ARHGAP24: variants seen among roughly 807,000 people sequenced by gnomAD.
ARHGAP24 encodes the protein Rho GTPase activating protein 24.
In ARHGAP24, 50 loss-of-function variants were observed where a neutral mutation model predicts 76.4. The ratio of observed to expected loss-of-function variants is 0.65; its 90% CI spans 0.52 to 0.83. The LOEUF is 0.83. Ranked by LOEUF, ARHGAP24 falls within the 40% of genes least tolerant of loss-of-function variation. The probability of loss-of-function intolerance (pLI) is 0.00; values close to 1 mark genes in which losing one functional copy is unlikely to be tolerated. For synonymous variants in ARHGAP24, 345 were observed against 323.3 expected (o/e 1.07, Z -0.72); for missense variants, 930 against 914.2 (o/e 1.02, Z -0.22).
chr4:85,668,795 G>A (rs982890965), intron 2 of ARHGAP24, among the ~76,000 whole-genome samples: 7 of 152,294 alleles, frequency 4.6e-5, no homozygotes, highest in Non-Finnish European at 8.8e-5. Flanking sequence ...GATCATGGAG[G>A]AGTTTAAGCT....
intron 1 of ARHGAP24, among the ~76,000 whole-genome samples, chr4:85,508,531 A>G (rs1432693993): frequency 6.6e-6 from 1 of 152,184 alleles, no homozygotes; most frequent in African/African-American, 2.4e-5. Flanking sequence ...CTCCAGCCAA[A>G]AGAGAAACAC....
At chr4:85,866,491 T>TA (rs1324073916) in intron 3 of ARHGAP24, among the ~76,000 whole-genome samples, 1 of 152,178 alleles carries the variant, frequency 6.6e-6, no homozygotes, top group Non-Finnish European at 1.5e-5. Flanking sequence ...CTTTCATTCT[T>TA]ACACATTTAG....
At chr4:85,684,688 G>A (rs1164777774) in intron 2 of ARHGAP24, among the ~76,000 whole-genome samples, 2 of 152,182 alleles carry the variant, frequency 1.3e-5, no homozygotes, top group Non-Finnish European at 1.5e-5. Flanking sequence ...TTCAGAGAGA[G>A]GCTGTTCTGT....
rs1443457690 is a variant in ARHGAP24, at chr4:85,994,733, A to G, written c.1079A>G (p.Asn360Ser). The G allele has an allele frequency of 6.2e-7, 1 of 1,614,144 alleles. No homozygotes were observed. Among genetic ancestry groups the G allele is most frequent in the South Asian group, 1.1e-5 (1 of 91,078 alleles). The part of the protein sequence containing the change: ...QKKATMGQLQ[N>S]KENNNTKDSP... ...AAAGCCACCATGGGGCAGTTACAGA[A>G]CAAGGAGAACAATAACACCAAGGAC... Residue 360 changes from asparagine (N) to serine (S), a missense_variant, in exon 9 of 10, where the codon AAC (asparagine) becomes AGC (serine). Physicochemically the swap from Asn to Ser is conservative, Grantham distance 46 (BLOSUM62 1). Transcript: ENST00000395184.
intron 1 of ARHGAP24, among the ~76,000 whole-genome samples, chr4:85,569,170 G>A (rs1726971296): frequency 6.6e-6 from 1 of 152,184 alleles, no homozygotes; most frequent in African/African-American, 2.4e-5. Flanking sequence ...AAGACAGCTT[G>A]TCTTCCAGAA....
chr4:85,503,520 T>C (rs181192554), intron 1 of ARHGAP24, among the ~76,000 whole-genome samples: 1 of 152,312 alleles, frequency 6.6e-6, no homozygotes, highest in African/African-American at 2.4e-5. Flanking sequence ...GTTTATAGTA[T>C]TTTCTGATGG....
intron 3 of ARHGAP24, among the ~76,000 whole-genome samples, chr4:85,898,010 T>C (rs1175028862): frequency 2.2e-5 from 3 of 134,300 alleles, no homozygotes; most frequent in African/African-American, 8.6e-5. Flanking sequence ...TATACACATA[T>C]ATATATACAC....
chr4:85,923,627 A>C (rs1021126701), intron 3 of ARHGAP24, 21 bp from the exon 4 acceptor site: 1 of 1,613,248 alleles, frequency 6.2e-7, no homozygotes, highest in Non-Finnish European at 8.5e-7. Context: ...CTTCAGCTGC[A>C]TTGTTACTGT....
intron 2 of ARHGAP24, among the ~76,000 whole-genome samples, chr4:85,696,319 C>T (rs1410559329): frequency 6.6e-6 from 1 of 151,984 alleles, no homozygotes; most frequent in African/African-American, 2.4e-5. Flanking sequence ...AAAGTAAATA[C>T]ATATTGAATG....
At chr4:85,579,391 A>G (rs1003786754) in intron 2 of ARHGAP24, among the ~76,000 whole-genome samples, 2 of 151,512 alleles carry the variant, frequency 1.3e-5, no homozygotes, top group Non-Finnish European at 2.9e-5. Context: ...TAATTTGAAT[A>G]TTTACATTTT....
At chr4:85,545,674 G>A (rs1725895012) in intron 1 of ARHGAP24, among the ~76,000 whole-genome samples, 1 of 152,106 alleles carries the variant, frequency 6.6e-6, no homozygotes, top group Non-Finnish European at 1.5e-5. Context: ...CCAAGTCTCA[G>A]CACTTTAAAT....
chr4:85,795,101 C>T (rs774739719), intron 3 of ARHGAP24, among the ~76,000 whole-genome samples: 2 of 152,236 alleles, frequency 1.3e-5, no homozygotes, highest in Non-Finnish European at 2.9e-5. Flanking sequence ...AGGAATATTA[C>T]CTCTCACCAC....
At chr4:85,541,239 C>T (rs886764784) in intron 1 of ARHGAP24, among the ~76,000 whole-genome samples, 1 of 118,706 alleles carries the variant, frequency 8.4e-6, no homozygotes, top group Non-Finnish European at 1.5e-5. Flanking sequence ...CTGCAAGCTC[C>T]GCCTCCCGGG....
chr4:85,726,950 C>A (rs1215607518), intron 3 of ARHGAP24, among the ~76,000 whole-genome samples: 2 of 152,112 alleles, frequency 1.3e-5, no homozygotes, highest in Admixed American at 6.5e-5. Context: ...AGGGGTATCA[C>A]CTGAGGTGAT....
At position 85,680,387 on chromosome 4, in the gene ARHGAP24, A is replaced by C. The variant is rs1723161792; in HGVS notation, c.181-41498A>C. Reference sequence around the variant, plus strand: ...CATTGAATGTCATCCTGCTAAAGAAAATTGCAGATGTGAAAACGACTTGCA... The same window carrying C: ...CATTGAATGTCATCCTGCTAAAGAACATTGCAGATGTGAAAACGACTTGCA... On this transcript the variant is annotated intron_variant, in intron 2 of 9. Coordinates refer to ENST00000395184, the MANE Select transcript of ARHGAP24 (RefSeq NM_001025616.3). Among the ~76,000 whole-genome samples, 3 of 152,216 alleles carry C rather than the reference A, an allele frequency of 2.0e-5. No homozygotes were observed. The South Asian group carries it at 6.2e-4, about 32-fold the overall frequency.
chr4:85,606,241 C>T (rs140063870), intron 2 of ARHGAP24, among the ~76,000 whole-genome samples: 3 of 152,206 alleles, frequency 2.0e-5, no homozygotes, highest in South Asian at 2.1e-4. Context: ...AGGCCGGGCG[C>T]GGTGGCTCAC....
chr4:85,991,906 T>G (rs1740352033), intron 8 of ARHGAP24: 1 of 373,582 alleles, frequency 2.7e-6, no homozygotes, highest in African/African-American at 2.1e-5. Context: ...CTACATATAT[T>G]TTTGCATTTA....
intron 5 of ARHGAP24, among the ~76,000 whole-genome samples, chr4:85,960,381 T>C (rs926526955): frequency 3.3e-5 from 5 of 152,146 alleles, no homozygotes; most frequent in Non-Finnish European, 5.9e-5. Context: ...TAAATGTCTG[T>C]GATATCATGG....
At chr4:85,842,706 A>G (rs971944684) in intron 3 of ARHGAP24, among the ~76,000 whole-genome samples, 4 of 152,234 alleles carry the variant, frequency 2.6e-5, no homozygotes, top group African/African-American at 4.8e-5. Flanking sequence ...TGATGTCTGC[A>G]TTACCAGCTG....
Sources: allele counts gnomAD v4.1 joint callset (sites outside exome capture counted in the v4.1 genomes callset), GRCh38; gene constraint gnomAD v4.1.1; transcripts MANE v1.5; gene names NCBI Gene and HGNC (gene_info 2026-07-23, HGNC 2026-07-21).